The following DNM3 variants were observed in gnomAD, a reference collection of about 807,000 sequenced individuals.
The protein encoded by DNM3 is dynamin 3.
In DNM3, 47 loss-of-function variants were observed where a neutral mutation model predicts 101.6. The observed-to-expected ratio is 0.46, with a 90% confidence interval of 0.37 to 0.59. DNM3 has a LOEUF of 0.59. DNM3 is among the 20% of genes least tolerant of loss of function. The pLI, the probability that DNM3 is intolerant of heterozygous loss-of-function variation, is 0.00. For synonymous variants in DNM3, 385 were observed against 387.9 expected (o/e 0.99, Z 0.09); for missense variants, 849 against 1,085.7 (o/e 0.78, Z 3.06).
intron 15 of DNM3, 109 bp downstream of exon 15, chr1:172,253,791 T>C (rs1018364947): frequency 2.0e-4 from 118 of 578,146 alleles, no homozygotes; most frequent in Admixed American, 3.8e-5. Context: ...GAAATTTGTC[T>C]GCTCTTCAGT....
intron 17 of DNM3, among the ~76,000 whole-genome samples, chr1:172,326,287 A>G (rs1227173882): frequency 1.3e-5 from 2 of 152,110 alleles, no homozygotes; most frequent in African/African-American, 2.4e-5. Context: ...TCCCTTTGAA[A>G]ATGTTTTCGT....
At chr1:172,110,602 T>C (rs2055398327) in intron 13 of DNM3, among the ~76,000 whole-genome samples, 1 of 152,220 alleles carries the variant, frequency 6.6e-6, no homozygotes, top group Non-Finnish European at 1.5e-5. Context: ...AAAGGGAGAC[T>C]CTAAAATATA....
intron 16 of DNM3, among the ~76,000 whole-genome samples, chr1:172,322,234 C>T (rs1260017454): frequency 1.3e-5 from 2 of 152,132 alleles, no homozygotes; most frequent in African/African-American, 4.8e-5. Context: ...AACTAAATGC[C>T]AAATCTACAG....
intron 2 of DNM3, among the ~76,000 whole-genome samples, chr1:171,962,381 G>T (rs923705693): frequency 1.3e-5 from 2 of 152,302 alleles, no homozygotes; most frequent in Middle Eastern, 6.8e-3. Context: ...GGTTACCAGG[G>T]GTTGGAGGAA....
intron 1 of DNM3, among the ~76,000 whole-genome samples, chr1:171,863,534 C>A (rs916306318): frequency 2.0e-5 from 3 of 152,172 alleles, no homozygotes; most frequent in Non-Finnish European, 4.4e-5. Flanking sequence ...ATAACAGTTA[C>A]ATGAATTTTC....
intron 15 of DNM3, among the ~76,000 whole-genome samples, chr1:172,274,085 A>G (rs2063186052): frequency 6.6e-6 from 1 of 152,102 alleles, no homozygotes; most frequent in African/African-American, 2.4e-5. Flanking sequence ...GCAGATGGTA[A>G]AGACAGAATA....
intron 14 of DNM3, among the ~76,000 whole-genome samples, chr1:172,134,364 T>A (rs1353547851): frequency 1.3e-5 from 2 of 152,092 alleles, no homozygotes; most frequent in African/African-American, 2.4e-5. Context: ...CAACCACAAC[T>A]CAAACTCAAT....
intron 15 of DNM3, among the ~76,000 whole-genome samples, chr1:172,269,296 C>G (rs935069740): frequency 2.0e-5 from 3 of 152,184 alleles, no homozygotes; most frequent in African/African-American, 7.2e-5. Context: ...TGCCCTCTCT[C>G]CACCTATTTT....
At chr1:172,108,606 G>T (rs2055238195) in intron 13 of DNM3, among the ~76,000 whole-genome samples, 1 of 152,204 alleles carries the variant, frequency 6.6e-6, no homozygotes, top group Admixed American at 6.5e-5. Flanking sequence ...GGAATGAAAT[G>T]TCTTACTCCC....
chr1:171,971,837 A>T (rs939746021), intron 2 of DNM3, among the ~76,000 whole-genome samples: 21 of 152,184 alleles, frequency 1.4e-4, no homozygotes, highest in African/African-American at 5.1e-4. Flanking sequence ...GACAGCAACA[A>T]CATACTCTTG....
downstream of DNM3, among the ~76,000 whole-genome samples, chr1:172,416,701 C>A (rs929568017): frequency 1.3e-5 from 2 of 152,086 alleles, no homozygotes; most frequent in African/African-American, 4.8e-5. Context: ...GTTCTAAAGC[C>A]CCTTCAGAAC....
At chr1:171,936,887 G>A (rs1224744446) in intron 2 of DNM3, among the ~76,000 whole-genome samples, 1 of 21,464 alleles carries the variant, frequency 4.7e-5, no homozygotes, top group Non-Finnish European at 1.1e-4. Flanking sequence ...CACATTCTGG[G>A]AGAGGGGCTC....
intron 14 of DNM3, among the ~76,000 whole-genome samples, chr1:172,166,005 CT>C (rs1360277575): frequency 6.6e-6 from 1 of 152,046 alleles, no homozygotes; most frequent in African/African-American, 2.4e-5. Flanking sequence ...TTGTTTCCCC[CT>C]GGCCAGCTTA....
intron 14 of DNM3, among the ~76,000 whole-genome samples, chr1:172,175,148 G>C (rs1407530640): frequency 6.6e-6 from 1 of 151,692 alleles, no homozygotes; most frequent in African/African-American, 2.4e-5. Flanking sequence ...TACTGCTGTT[G>C]TTCACACGGG....
chr1:172,153,461 T>G (rs17361789), intron 14 of DNM3, among the ~76,000 whole-genome samples: 32,878 of 152,098 alleles, frequency 0.22, 4,681 homozygotes, highest in Non-Finnish European at 0.32. Context: ...TTTCCCATAC[T>G]TCAATATATG....
At chr1:172,185,727 C>T (rs1355838778) in intron 14 of DNM3, among the ~76,000 whole-genome samples, 3 of 152,044 alleles carry the variant, frequency 2.0e-5, no homozygotes, top group Non-Finnish European at 1.5e-5. Context: ...TGCTTCATAG[C>T]TAGATAAGAA....
chr1:172,363,018 T>G (rs1230346945), intron 17 of DNM3, among the ~76,000 whole-genome samples: 7 of 151,902 alleles, frequency 4.6e-5, no homozygotes, highest in Admixed American at 4.6e-4. Flanking sequence ...TTCTTCCACC[T>G]CCTTAACTGT....
intron 17 of DNM3, among the ~76,000 whole-genome samples, chr1:172,346,138 A>G (rs952738962): frequency 6.6e-6 from 1 of 151,760 alleles, no homozygotes; most frequent in Non-Finnish European, 1.5e-5. Context: ...AAAAAAAAAA[A>G]AAAAGAAAGA....
At chr1:172,193,976 C>T (rs2059843821) in intron 14 of DNM3, among the ~76,000 whole-genome samples, 1 of 152,088 alleles carries the variant, frequency 6.6e-6, no homozygotes, top group African/African-American at 2.4e-5. Context: ...TGGATCTCTC[C>T]TGCTTTCTCT....
Sources: allele counts gnomAD v4.1 joint callset (sites outside exome capture counted in the v4.1 genomes callset), GRCh38; gene constraint gnomAD v4.1.1; transcripts MANE v1.5; gene names NCBI Gene and HGNC (gene_info 2026-07-23, HGNC 2026-07-21).